The following CNTNAP2 variants were observed in gnomAD, a reference collection of about 807,000 sequenced individuals.
CNTNAP2 encodes contactin associated protein 2.
A neutral mutation model predicts 155.2 loss-of-function variants in CNTNAP2; 98 were observed. The ratio of observed to expected loss-of-function variants is 0.63; its 90% CI spans 0.54 to 0.75. The LOEUF is 0.75. Among genes scored for constraint, CNTNAP2 ranks in the 30% least tolerant of loss-of-function variants. The pLI, the probability that CNTNAP2 is intolerant of heterozygous loss-of-function variation, is 0.00. For synonymous variants in CNTNAP2, 651 were observed against 631.2 expected (o/e 1.03, Z -0.47); for missense variants, 1,727 against 1,688.1 (o/e 1.02, Z -0.40).
chr7:146,819,848 C>G (rs1241487210), intron 2 of CNTNAP2, among the ~76,000 whole-genome samples: 1 of 152,122 alleles, frequency 6.6e-6, no homozygotes. Flanking sequence ...TCGCCAGGAG[C>G]TCTCACCCTG....
chr7:146,448,135 A>G (rs1364653164), intron 1 of CNTNAP2, among the ~76,000 whole-genome samples: 2 of 152,084 alleles, frequency 1.3e-5, no homozygotes, highest in African/African-American at 4.8e-5. Flanking sequence ...CAACACCAAT[A>G]CATATTTAAT....
intron 3 of CNTNAP2, among the ~76,000 whole-genome samples, chr7:146,979,730 C>T (rs1456555902): frequency 6.6e-6 from 1 of 152,084 alleles, no homozygotes; most frequent in East Asian, 1.9e-4. Flanking sequence ...AAAGTAAAAT[C>T]TGTCTAAATA....
chr7:146,228,082 A>G (rs1257568003), intron 1 of CNTNAP2, among the ~76,000 whole-genome samples: 1 of 152,174 alleles, frequency 6.6e-6, no homozygotes, highest in Non-Finnish European at 1.5e-5. Flanking sequence ...ACCTTGGTTC[A>G]TGACTGGGAG....
rs544216232 is a variant in CNTNAP2, at chr7:147,382,629, A to G, written c.1499-12980A>G. Among the ~76,000 whole-genome samples the G allele has an allele frequency of 3.9e-5, 6 of 152,244 alleles. No individual in the cohort carries two copies. In the South Asian group the frequency reaches 1.2e-3, roughly 32 times the overall value. The stretch of plus-strand genomic sequence containing the variant: ...TGAGTTCAGAGGAGAGAGCTGAGAC[A>G]GAGATATGATTAGAGACATCCTCCC... On this transcript the variant is annotated intron_variant, in intron 9 of 23. Transcript: ENST00000361727.
At chr7:147,220,434 T>G (rs957530195) in intron 8 of CNTNAP2, among the ~76,000 whole-genome samples, 2 of 152,204 alleles carry the variant, frequency 1.3e-5, no homozygotes, top group African/African-American at 2.4e-5. Flanking sequence ...ATTCTGACAA[T>G]CTCTATCTTT....
chr7:146,629,972 A>G (rs939046306), intron 1 of CNTNAP2, among the ~76,000 whole-genome samples: 1 of 151,840 alleles, frequency 6.6e-6, no homozygotes, highest in Non-Finnish European at 1.5e-5. Context: ...ATTTGACCAT[A>G]TAATGCATAG....
chr7:147,612,977 T>C (rs1449957694), intron 12 of CNTNAP2, among the ~76,000 whole-genome samples: 2 of 152,240 alleles, frequency 1.3e-5, no homozygotes, highest in African/African-American at 2.4e-5. Context: ...TTATTTACTA[T>C]TGCAAACAAT....
At chr7:146,940,288 C>T (rs1797023875) in intron 3 of CNTNAP2, among the ~76,000 whole-genome samples, 2 of 152,026 alleles carry the variant, frequency 1.3e-5, no homozygotes, top group Admixed American at 1.3e-4. Flanking sequence ...TCACTGCAAC[C>T]TCTGCCTCCC....
chr7:147,445,665 A>G (rs149137244), intron 10 of CNTNAP2, among the ~76,000 whole-genome samples: 130 of 152,356 alleles, frequency 8.5e-4, no homozygotes, highest in African/African-American at 3.0e-3. Context: ...TGAAAAATAC[A>G]TTTAAGTGGG....
chr7:148,061,954 TATAG>T (rs10535597), intron 15 of CNTNAP2, among the ~76,000 whole-genome samples: 23,720 of 95,502 alleles, frequency 0.25, 3,697 homozygotes, highest in Non-Finnish European at 0.29. Flanking sequence ...GATAAACAGA[TATAG>T]ATAGATAGAT....
intron 1 of CNTNAP2, among the ~76,000 whole-genome samples, chr7:146,308,294 G>A (rs1800753556): frequency 6.6e-6 from 1 of 152,152 alleles, no homozygotes; most frequent in Non-Finnish European, 1.5e-5. Context: ...TCTCACACCA[G>A]TTAGAATGGC....
chr7:148,255,800 A>G (rs1796444561), intron 20 of CNTNAP2, among the ~76,000 whole-genome samples: 1 of 152,212 alleles, frequency 6.6e-6, no homozygotes, highest in East Asian at 1.9e-4. Context: ...AAATTACACA[A>G]CAAAGAAAGA....
intron 8 of CNTNAP2, among the ~76,000 whole-genome samples, chr7:147,276,003 T>TA (rs1804887150): frequency 6.6e-6 from 1 of 152,052 alleles, no homozygotes; most frequent in South Asian, 2.1e-4. Context: ...ATTACTGGAA[T>TA]AAAACCCCCT....
At chr7:147,917,085 C>T (rs1800174684) in intron 14 of CNTNAP2, among the ~76,000 whole-genome samples, 1 of 152,216 alleles carries the variant, frequency 6.6e-6, no homozygotes, top group Non-Finnish European at 1.5e-5. Flanking sequence ...CAACAATCTT[C>T]CAAAATAACT....
At chr7:147,719,648 G>A (rs1796534303) in intron 13 of CNTNAP2, among the ~76,000 whole-genome samples, 1 of 151,668 alleles carries the variant, frequency 6.6e-6, no homozygotes, top group Non-Finnish European at 1.5e-5. Flanking sequence ...ACTAGGTAGG[G>A]GTATGAAATT....
At chr7:147,457,651 A>G (rs1487349013) in intron 10 of CNTNAP2, among the ~76,000 whole-genome samples, 17 of 152,116 alleles carry the variant, frequency 1.1e-4, no homozygotes, top group Non-Finnish European at 2.1e-4. Flanking sequence ...TCCACGAGAT[A>G]TTGGTTAAAT....
At chr7:147,728,696 A>G (rs1796685595) in intron 13 of CNTNAP2, among the ~76,000 whole-genome samples, 1 of 152,018 alleles carries the variant, frequency 6.6e-6, no homozygotes, top group Non-Finnish European at 1.5e-5. Flanking sequence ...TTCCTTCTGC[A>G]AGTTTGATTA....
intron 14 of CNTNAP2, among the ~76,000 whole-genome samples, chr7:147,948,224 G>A (rs1800854927): frequency 6.6e-6 from 1 of 151,544 alleles, no homozygotes; most frequent in African/African-American, 2.4e-5. Context: ...TAGAAAGAAT[G>A]AATAAGACCT....
At chr7:147,058,076 G>T (rs930192731) in intron 4 of CNTNAP2, among the ~76,000 whole-genome samples, 1 of 151,914 alleles carries the variant, frequency 6.6e-6, no homozygotes, top group African/African-American at 2.4e-5. Context: ...CAATCTAAGT[G>T]GTTTTATTTT....
Sources: gnomAD v4.1 joint callset for allele counts (sites outside exome capture counted in the v4.1 genomes callset) on GRCh38, gnomAD v4.1.1 for gene constraint, MANE v1.5 for transcripts, NCBI Gene and HGNC (gene_info 2026-07-23, HGNC 2026-07-21) for gene names.